Variants in CAMKV observed in about 807,000 individuals in gnomAD.
CAMKV encodes caM kinase-like vesicle-associated protein.
In CAMKV, 5 loss-of-function variants were observed where a neutral mutation model predicts 50.2. The observed-to-expected ratio is 0.10, with a 90% confidence interval of 0.05 to 0.21. CAMKV has a LOEUF of 0.21. CAMKV is among the 10% of genes least tolerant of loss of function. The pLI, the probability that CAMKV is intolerant of heterozygous loss-of-function variation, is 1.00. For synonymous variants in CAMKV, 229 were observed against 250.1 expected, an observed-to-expected ratio of 0.92 and a Z score of 0.80; for missense variants, 361 against 650.5, an observed-to-expected ratio of 0.55 and a Z score of 4.84.
At chr3:49,864,588 G>C (rs752345082) in intron 1 of CAMKV, among the ~76,000 whole-genome samples, 12 of 152,174 alleles carry the variant, frequency 7.9e-5, no homozygotes, top group African/African-American at 1.2e-4. Flanking sequence ...GGGGGTTACT[G>C]ACTAGACCTT....
intron 1 of CAMKV, among the ~76,000 whole-genome samples, chr3:49,868,362 G>A (rs981888084): frequency 2.6e-5 from 4 of 152,058 alleles, no homozygotes; most frequent in African/African-American, 9.7e-5. Flanking sequence ...CCCAACAGCA[G>A]ATCCTGCCAT....
At position 49,861,844 on chromosome 3, in the gene CAMKV, T is replaced by C; in HGVS notation, c.249A>G (p.Leu83=). ...GGGTCACAAACACATCCACCAGCTG[T>C]AGGATGTTGGGATGCTTCACCCTGG... The part of the protein sequence containing the change: ...ILKMVKHPNI[L]QLVDVFVTRK... The change falls in exon 4 of 11, where the codon CTA becomes CTG. Residue 83 remains leucine (L), a synonymous_variant. Transcript: ENST00000477224. This position sits in a 1 kb window ranked among gnomAD's most constrained non-coding sequence, Gnocchi z 7.7. 1 of 1,613,748 alleles carries C rather than the reference T, an allele frequency of 6.2e-7. No homozygotes were observed. Among genetic ancestry groups the C allele is most frequent in the African/African-American group, 1.3e-5 (1 of 75,014 alleles).
In CAMKV at chr3:49,859,035, C is replaced by A. The variant is rs561763758; in HGVS notation, c.*283G>T. ...CCCCTGAGTATCCCTAGAGCAGCAT[C>A]CCACAAGGAACAGAAACTGGTGAAG... On this transcript the variant is annotated 3_prime_UTR_variant, in exon 11 of 11. Transcript: ENST00000477224. The surrounding 1 kb of genome is among the most constrained non-coding windows in gnomAD (Gnocchi z 5.5). 10 of 360,522 alleles carry A rather than the reference C, an allele frequency of 2.8e-5. No homozygotes were observed. In the South Asian group the frequency reaches 7.0e-4, roughly 25 times the overall value. 22.3% of individuals were successfully genotyped at this position (360,522 alleles called of 1,614,324 possible).
rs201719926 is a variant in CAMKV at position 49,861,139 on chromosome 3, C to A, written c.562+41G>T. 1.2e-3 allele frequency: 1,869 copies of A among 1,583,526 alleles called. 1 individual carries two copies. The highest frequency in any genetic ancestry group is 2.9e-3 in the Admixed American group (160 of 56,050). On this transcript the variant is annotated intron_variant, in intron 6 of 10. Transcript: ENST00000477224. The surrounding 1 kb of genome is among the most constrained non-coding windows in gnomAD (Gnocchi z 7.7). The stretch of plus-strand genomic sequence containing the variant: ...GCCCAGAGCAGCTCCCTGAAGGCTG[C>A]CCCCCATTATCCCCCTGCCCCTGCC...
At position 49,862,092 on chromosome 3, in the gene CAMKV, G is replaced by T. The variant is rs762723290; in HGVS notation, c.180C>A (p.Gly60=). The part of the protein sequence containing the change: ...HTCKKFQKRD[G]RKVRKAAKNE... ...TCTTGGCAGCTTTCCGCACCTTGCG[G>T]CCGTCCCGCTTCTGGAACTTCTTGC... Residue 60 remains glycine, a synonymous_variant, in exon 3 of 11, where the codon GGC becomes GGA. Transcript: ENST00000477224. This position sits in a 1 kb window ranked among gnomAD's most constrained non-coding sequence, Gnocchi z 5.2. The T allele has an allele frequency of 7.4e-6, 12 of 1,614,174 alleles. No individual in the cohort carries two copies. Among genetic ancestry groups the T allele is most frequent in the Middle Eastern group, 3.3e-4 (2 of 6,062 alleles).
chr3:49,859,341 A>G lies in CAMKV; in HGVS notation c.1483T>C (p.Ser495Pro). 1 of 1,532,668 alleles carries G rather than the reference A, an allele frequency of 6.5e-7. No individual in the cohort carries two copies. 94.9% of individuals were successfully genotyped at this position (1,532,668 alleles called of 1,614,324 possible). ...GEEAAGYAQE[S>P]QREEAS ...ACTCAGCTGGCCTCCTCCCTTTGAG[A>G]CTCCTGGGCATAACCAGCAGCCTCT... The change falls in exon 11 of 11, where the codon TCT becomes CCT. Residue 495 changes from serine (S) to proline (P), a missense_variant. Coordinates refer to ENST00000477224, the MANE Select transcript of CAMKV (RefSeq NM_024046.5). The surrounding 1 kb of genome is among the most constrained non-coding windows in gnomAD (Gnocchi z 5.5).
intron 1 of CAMKV, among the ~76,000 whole-genome samples, chr3:49,863,835 T>A (rs904258089): frequency 1.2e-4 from 18 of 151,984 alleles, no homozygotes; most frequent in Admixed American, 7.2e-4. Context: ...TTTTTAAAAA[T>A]TTTTTTGTAG....
Position 49,859,663 on chromosome 3 carries a change from G to A in CAMKV, c.1161C>T (p.Thr387=). 1 of 1,614,112 alleles carries A rather than the reference G, an allele frequency of 6.2e-7. No individual in the cohort carries two copies. Among genetic ancestry groups the A allele is most frequent in the Non-Finnish European group, 8.5e-7 (1 of 1,179,990 alleles). Residue 387 remains threonine (T), a synonymous_variant, in exon 11 of 11, where the codon ACC becomes ACT. Coordinates refer to ENST00000477224, the MANE Select transcript of CAMKV (RefSeq NM_024046.5). The surrounding 1 kb of genome is among the most constrained non-coding windows in gnomAD (Gnocchi z 5.5). Reference sequence around the variant, plus strand: ...GGGTGGCACTTCCATCTGTGGCTGGGGTGGCACTACGGTCTGCGGGGGCCA... The same window carrying A: ...GGGTGGCACTTCCATCTGTGGCTGGAGTGGCACTACGGTCTGCGGGGGCCA... ...DNVAPADRSA[T]PATDGSATPA...
Position 49,859,896 on chromosome 3 carries a change from G to A in CAMKV, c.943-15C>T. The A allele has an allele frequency of 3.3e-6, 5 of 1,508,812 alleles. No homozygotes were observed. Among genetic ancestry groups the A allele is most frequent in the Non-Finnish European group, 4.4e-6 (5 of 1,137,048 alleles). The allele number at this position is 1,508,812 out of a possible 1,614,324, so 93.5% of individuals were successfully genotyped here. On this transcript the variant is annotated splice_polypyrimidine_tract_variant and intron_variant, in intron 10 of 10. Transcript: ENST00000477224. This position sits in a 1 kb window ranked among gnomAD's most constrained non-coding sequence, Gnocchi z 5.5. ...CGGACAGCCTTCTGAAAGGAGCACAGTGGAGAAAGGCTAAGGGTGAGGCTT... is the reference window on the plus strand; with the variant it reads ...CGGACAGCCTTCTGAAAGGAGCACAATGGAGAAAGGCTAAGGGTGAGGCTT...
chr3:49,864,881 A>G (rs184596158), intron 1 of CAMKV, among the ~76,000 whole-genome samples: 1 of 152,322 alleles, frequency 6.6e-6, no homozygotes, highest in East Asian at 1.9e-4. Flanking sequence ...GCCAAAGTCA[A>G]AGACCAGGAC....
At chr3:49,864,728 GCCAAT>G (rs1310609328) in intron 1 of CAMKV, among the ~76,000 whole-genome samples, 3 of 152,182 alleles carry the variant, frequency 2.0e-5, no homozygotes, top group Non-Finnish European at 4.4e-5. Flanking sequence ...TTCCCTCCAT[GCCAAT>G]TAGCACTTGC....
Position 49,859,742 on chromosome 3 carries a change from C to A in CAMKV, c.1082G>T (p.Gly361Val), listed in dbSNP as rs2082004964. ...AGGATAAAAS[G>V]ATSAPEGDAA... ...ATCACCCTCAGGGGCTGAGGTAGCT[C>A]CACTCGCAGCTGCAGCTGTGGCCCC... The change falls in exon 11 of 11, where the codon GGA (glycine) becomes GTA (valine). Residue 361 changes from glycine to valine, a missense_variant. By Grantham distance (109) the Gly-to-Val change is moderately radical. Coordinates refer to ENST00000477224, the MANE Select transcript of CAMKV (RefSeq NM_024046.5). The surrounding 1 kb of genome is among the most constrained non-coding windows in gnomAD (Gnocchi z 5.5). 1 of 1,581,810 alleles carries A rather than the reference C, an allele frequency of 6.3e-7. No individual in the cohort carries two copies. The highest frequency in any genetic ancestry group is 1.3e-5 in the African/African-American group (1 of 74,656).
chr3:49,859,636 T>C lies in CAMKV; in HGVS notation c.1188A>G (p.Pro396=), dbSNP rs1267396258. Residue 396 remains proline (P), a synonymous_variant, in exon 11 of 11, where the codon CCA becomes CCG. Coordinates refer to ENST00000477224, the MANE Select transcript of CAMKV (RefSeq NM_024046.5). The surrounding 1 kb of genome is among the most constrained non-coding windows in gnomAD (Gnocchi z 5.5). ...ATPATDGSAT[P]ATDGSVTPAT... The stretch of plus-strand genomic sequence containing the variant: ...CTGGGGTGACACTGCCATCAGTGGC[T>C]GGGGTGGCACTTCCATCTGTGGCTG... The C allele has an allele frequency of 6.2e-7, 1 of 1,614,044 alleles. No individual in the cohort carries two copies. Among genetic ancestry groups the C allele is most frequent in the Non-Finnish European group, 8.5e-7 (1 of 1,179,976 alleles).
Position 49,858,340 on chromosome 3 carries a change from CT to C in CAMKV, c.*977del, listed in dbSNP as rs1362451260. ...GTTGAACTGAGCAGAAAATCTGCCC[CT>C]GTAAAGGGCAAACCTCCAAATCAGA... On this transcript the variant is annotated 3_prime_UTR_variant, in exon 11 of 11. Transcript: ENST00000477224. 7 of 398,522 alleles carry C rather than the reference CT, an allele frequency of 1.8e-5. No individual in the cohort carries two copies. The highest frequency in any genetic ancestry group is 3.1e-5 in the Non-Finnish European group (7 of 226,074). The allele number at this position is 398,522 out of a possible 1,614,324, so 24.7% of individuals were successfully genotyped here.
intron 1 of CAMKV, among the ~76,000 whole-genome samples, chr3:49,864,496 A>G (rs1273764363): frequency 6.6e-6 from 1 of 151,958 alleles, no homozygotes; most frequent in East Asian, 1.9e-4. Flanking sequence ...TTACAGCCCA[A>G]TCCTCATCTG....
chr3:49,860,858 T>C lies in CAMKV; in HGVS notation c.639-6A>G, dbSNP rs187588956. On this transcript the variant is annotated splice_polypyrimidine_tract_variant and splice_region_variant and intron_variant, in intron 7 of 10. Coordinates refer to ENST00000477224, the MANE Select transcript of CAMKV (RefSeq NM_024046.5). This position sits in a 1 kb window ranked among gnomAD's most constrained non-coding sequence, Gnocchi z 6.1. ...AAGGTGGATTGCCTGAAAGCCTGCA[T>C]GGGGGAAGGGTCACACAGAAAGGCC... 1,888 of 1,614,052 alleles carry C rather than the reference T, an allele frequency of 1.2e-3. 9 individuals carry two copies. Among genetic ancestry groups the C allele is most frequent in the Middle Eastern group, 4.1e-3 (25 of 6,060 alleles).
rs772101083 is a variant in CAMKV, at chr3:49,862,013, C to G, written c.227+32G>C. 2 of 1,613,818 alleles carry G rather than the reference C, an allele frequency of 1.2e-6. No homozygotes were observed. Among genetic ancestry groups the G allele is most frequent in the South Asian group, 1.1e-5 (1 of 90,994 alleles). On this transcript the variant is annotated intron_variant, in intron 3 of 10. Coordinates refer to ENST00000477224, the MANE Select transcript of CAMKV (RefSeq NM_024046.5). This position sits in a 1 kb window ranked among gnomAD's most constrained non-coding sequence, Gnocchi z 5.2. ...CTCTAAGCCCTTCCCTGCTGCCTCC[C>G]ACCCCGCCCCAATCCCAGGCCTCAA...
At position 49,861,562 on chromosome 3, in the gene CAMKV, C is replaced by T. The variant is rs545456418; in HGVS notation, c.318G>A (p.Glu106=). 7.4e-6 allele frequency: 12 copies of T among 1,614,124 alleles called. 1 individual carries two copies. The African/African-American group carries it at 1.2e-4, about 16-fold the overall frequency. Residue 106 remains glutamate (E), a synonymous_variant, in exon 5 of 11, where the codon GAG becomes GAA. Transcript: ENST00000477224. The surrounding 1 kb of genome is among the most constrained non-coding windows in gnomAD (Gnocchi z 7.7). ...CCTGGTCCAGGATCCAGTCAAACAC[C>T]TCCCTCCCCGTGGCCCTGAGGGACA... ...FIFLELATGR[E]VFDWILDQGY...
At position 49,860,082 on chromosome 3, in the gene CAMKV, G is replaced by T; in HGVS notation, c.942+89C>A. On this transcript the variant is annotated intron_variant, in intron 10 of 10. Transcript: ENST00000477224. The surrounding 1 kb of genome is among the most constrained non-coding windows in gnomAD (Gnocchi z 6.1). ...CTGATGGCCTGAGAAAAGCTTGTGT[G>T]TGGCTGCAGGGGTGTGATGCAGGCA... The T allele has an allele frequency of 8.0e-7, 1 of 1,250,892 alleles. No homozygotes were observed. Among genetic ancestry groups the T allele is most frequent in the Non-Finnish European group, 1.2e-6 (1 of 855,160 alleles). 77.5% of individuals were successfully genotyped at this position (1,250,892 alleles called of 1,614,324 possible).
Sources: allele counts gnomAD v4.1 joint callset (sites outside exome capture counted in the v4.1 genomes callset), GRCh38; gene constraint gnomAD v4.1.1; non-coding constraint Gnocchi (gnomAD v3.1); transcripts MANE v1.5; gene names NCBI Gene and HGNC (gene_info 2026-07-23, HGNC 2026-07-21).